Variants in SNX29 observed in about 807,000 individuals in gnomAD.
SNX29 encodes sorting nexin 29, also known as sorting nexin-29.
A neutral mutation model predicts 102.1 loss-of-function variants in SNX29; 78 were observed. That is an observed-to-expected ratio of 0.76 (90% CI 0.64 to 0.92). The LOEUF (loss-of-function observed/expected upper bound fraction) is 0.92, where lower values mean the gene tolerates loss of function less well. Ranked by LOEUF, SNX29 falls within the 40% of genes least tolerant of loss-of-function variation. SNX29 has a pLI of 0.00. For missense variants in SNX29, 1,280 were observed against 1,061.7 expected (o/e 1.21, Z -2.86); for synonymous variants, 580 against 414.5 (o/e 1.40, Z -4.85).
At chr16:12,337,184 G>A (rs1483241012) in intron 15 of SNX29, among the ~76,000 whole-genome samples, 3 of 152,206 alleles carry the variant, frequency 2.0e-5, no homozygotes, top group Non-Finnish European at 1.5e-5. Context: ...GGAGGCAGCA[G>A]TAGGTTTGTC....
intron 20 of SNX29, among the ~76,000 whole-genome samples, chr16:12,537,016 G>A (rs1327641324): frequency 1.3e-5 from 2 of 152,158 alleles, no homozygotes; most frequent in Non-Finnish European, 2.9e-5. Flanking sequence ...CAGGGCATGG[G>A]GGCCGGGGGA....
intron 18 of SNX29, among the ~76,000 whole-genome samples, chr16:12,466,524 A>G (rs1180845568): frequency 6.6e-6 from 1 of 152,218 alleles, no homozygotes; most frequent in Admixed American, 6.5e-5. Flanking sequence ...CTGCCGTCAG[A>G]TGTGGCACCC....
intron 15 of SNX29, among the ~76,000 whole-genome samples, chr16:12,322,513 T>C (rs913491626): frequency 6.6e-6 from 1 of 152,222 alleles, no homozygotes; most frequent in African/African-American, 2.4e-5. Context: ...TTGTTTGTAG[T>C]GTACATAGAT....
intron 18 of SNX29, among the ~76,000 whole-genome samples, chr16:12,422,726 C>T (rs929225311): frequency 6.6e-6 from 1 of 151,968 alleles, no homozygotes; most frequent in Non-Finnish European, 1.5e-5. Context: ...TACACTTTCA[C>T]ACACCTCTCT....
At chr16:12,546,308 CTG>C (rs1237041655) in intron 20 of SNX29, 3 of 152,244 alleles carry the variant, frequency 2.0e-5, no homozygotes, top group Non-Finnish European at 2.9e-5. Flanking sequence ...ATACCTGAGA[CTG>C]TGCAATTTAC....
intron 10 of SNX29, among the ~76,000 whole-genome samples, chr16:12,075,126 A>G (rs199959647): frequency 1.3e-5 from 2 of 152,198 alleles, no homozygotes; most frequent in East Asian, 1.9e-4. Context: ...CCTGTAGCTC[A>G]GAGTAGTTTG....
intron 20 of SNX29, among the ~76,000 whole-genome samples, chr16:12,544,072 G>C (rs771028727): frequency 6.6e-6 from 1 of 152,212 alleles, no homozygotes; most frequent in Admixed American, 6.5e-5. Flanking sequence ...ATTGGTAGGG[G>C]TAGAGGTCTT....
chr16:12,566,423 GCC>G (rs1266399740), intron 20 of SNX29, among the ~76,000 whole-genome samples: 1 of 41,260 alleles, frequency 2.4e-5, no homozygotes, highest in African/African-American at 1.5e-4. Context: ...TACCTCCAGG[GCC>G]TCTCCCCCCA....
intron 20 of SNX29, among the ~76,000 whole-genome samples, chr16:12,567,571 AC>A (rs2079063547): frequency 6.6e-6 from 1 of 152,014 alleles, no homozygotes; most frequent in Non-Finnish European, 1.5e-5. Flanking sequence ...ATCACTTGAG[AC>A]CAGCCTGGAC....
chr16:12,532,946 C>G (rs569944807), intron 20 of SNX29, among the ~76,000 whole-genome samples: 8 of 152,364 alleles, frequency 5.3e-5, no homozygotes, highest in South Asian at 2.1e-4. Context: ...GCCAAGTTGG[C>G]TGCGGACCCA....
At chr16:12,072,363 A>C (rs1403539926) in intron 10 of SNX29, among the ~76,000 whole-genome samples, 1 of 152,162 alleles carries the variant, frequency 6.6e-6, no homozygotes, top group African/African-American at 2.4e-5. Flanking sequence ...ATTTATTGAG[A>C]GTTTTTAGCA....
chr16:12,046,392 A>G lies in SNX29; in HGVS notation c.437A>G (p.Tyr146Cys), dbSNP rs775586127. The G allele has an allele frequency of 1.9e-6, 3 of 1,613,630 alleles. No individual in the cohort carries two copies. Among genetic ancestry groups the G allele is most frequent in the Non-Finnish European group, 2.5e-6 (3 of 1,179,622 alleles). Residue 146 changes from tyrosine (Y) to cysteine (C), a missense_variant, in exon 6 of 21, where the codon TAT becomes TGT. Physicochemically the swap from Tyr to Cys is radical, Grantham distance 194. Transcript: ENST00000566228. ...TCTCTTTCAATCTGCAGCACTTTTTATGAAGACTGGTCTTTTGTGATGGAT... is the reference window on the plus strand; with the variant it reads ...TCTCTTTCAATCTGCAGCACTTTTTGTGAAGACTGGTCTTTTGTGATGGAT... Reference protein sequence around the residue: ...LADRCRLSTFYEDWSFVMDEE... With the variant: ...LADRCRLSTFCEDWSFVMDEE...
intron 13 of SNX29, among the ~76,000 whole-genome samples, chr16:12,172,574 A>G (rs1185648127): frequency 1.3e-5 from 2 of 152,198 alleles, no homozygotes; most frequent in Admixed American, 1.3e-4. Flanking sequence ...AAATGGGTTT[A>G]TAATATTCTC....
chr16:12,003,995 C>T lies in SNX29; in HGVS notation c.122+952C>T, dbSNP rs533705793. ...AGGTTGCAGTGAGCTGAGATCGCGCCACTGTACTCCAGCCTGGGTGACAGA... is the reference window on the plus strand; with the variant it reads ...AGGTTGCAGTGAGCTGAGATCGCGCTACTGTACTCCAGCCTGGGTGACAGA... On this transcript the variant is annotated intron_variant, in intron 3 of 20. Transcript: ENST00000566228. 3.3e-5 allele frequency among the ~76,000 whole-genome samples: 5 copies of T among 152,096 alleles called. No homozygotes were observed. The South Asian group carries it at 1.0e-3, about 32-fold the overall frequency.
intron 14 of SNX29, among the ~76,000 whole-genome samples, chr16:12,211,665 G>A (rs1212480084): frequency 1.3e-5 from 2 of 152,086 alleles, no homozygotes; most frequent in African/African-American, 2.4e-5. Flanking sequence ...CTGCAGGGTG[G>A]GCCTCTAGGC....
At chr16:12,092,187 C>G (rs1370044637) in intron 11 of SNX29, among the ~76,000 whole-genome samples, 1 of 152,152 alleles carries the variant, frequency 6.6e-6, no homozygotes, top group Non-Finnish European at 1.5e-5. Context: ...CACTGGGATA[C>G]AAGCTCCCTG....
chr16:12,243,501 T>G (rs1301164110), intron 14 of SNX29, among the ~76,000 whole-genome samples: 1 of 152,248 alleles, frequency 6.6e-6, no homozygotes, highest in East Asian at 1.9e-4. Context: ...GATTGTTAGC[T>G]AACTTTTACT....
chr16:12,046,385 A>G lies in SNX29; in HGVS notation c.430A>G (p.Thr144Ala), dbSNP rs760052507. ...TTCCTTTTCTCTTTCAATCTGCAGC[A>G]CTTTTTATGAAGACTGGTCTTTTGT... The part of the protein sequence containing the change: ...MLLADRCRLS[T>A]FYEDWSFVMD... The change falls in exon 6 of 21, where the codon ACT becomes GCT. Residue 144 changes from threonine (T) to alanine (A), a missense_variant and splice_region_variant. Thr to Ala is a moderately conservative substitution (Grantham distance 58). Coordinates refer to ENST00000566228, the MANE Select transcript of SNX29 (RefSeq NM_032167.5). The G allele has an allele frequency of 6.8e-6, 11 of 1,613,490 alleles. No homozygotes were observed. The highest frequency in any genetic ancestry group is 1.3e-5 in the African/African-American group (1 of 74,926).
At chr16:12,445,902 C>T (rs535017659) in intron 18 of SNX29, among the ~76,000 whole-genome samples, 4 of 152,194 alleles carry the variant, frequency 2.6e-5, no homozygotes. Context: ...TAAGCCACTT[C>T]CCCAAGGACA....
Sources: allele counts gnomAD v4.1 joint callset (sites outside exome capture counted in the v4.1 genomes callset), GRCh38; gene constraint gnomAD v4.1.1; transcripts MANE v1.5; gene names NCBI Gene and HGNC (gene_info 2026-07-23, HGNC 2026-07-21).